The following PROSER2 variants were observed in gnomAD, a reference collection of about 807,000 sequenced individuals.
PROSER2 encodes the protein proline and serine rich 2, also known as proline and serine-rich protein 2.
PROSER2 carries 18 observed loss-of-function variants against 14.6 expected under a neutral mutation model. The observed-to-expected ratio is 1.23, with a 90% CI of 0.85 to 1.83. The LOEUF (loss-of-function observed/expected upper bound fraction) is 1.83, where lower values mean the gene tolerates loss of function less well. Ranked by LOEUF, PROSER2 falls within the 40% of genes most tolerant of loss-of-function variation. The probability of loss-of-function intolerance (pLI) is 0.00; values close to 1 mark genes in which losing one functional copy is unlikely to be tolerated. For missense variants in PROSER2, 823 were observed against 629.8 expected (o/e 1.31, Z -3.28); for synonymous variants, 367 against 286.4 (o/e 1.28, Z -2.84).
chr10:11,855,343 G>A (rs1458426781), intron 2 of PROSER2, among the ~76,000 whole-genome samples: 4 of 151,582 alleles, frequency 2.6e-5, no homozygotes, highest in East Asian at 1.9e-4. Context: ...GCGTGTTGGC[G>A]GGCGCCTGTA....
intron 1 of PROSER2, among the ~76,000 whole-genome samples, chr10:11,826,184 C>A (rs1020156062): frequency 6.6e-6 from 1 of 152,114 alleles, no homozygotes; most frequent in Non-Finnish European, 1.5e-5. Context: ...AAGGTCCGTC[C>A]GTGTCGCGGC....
chr10:11,861,631 C>A (rs796414965), intron 2 of PROSER2, among the ~76,000 whole-genome samples: 2 of 152,156 alleles, frequency 1.3e-5, no homozygotes, highest in Non-Finnish European at 2.9e-5. Flanking sequence ...GAGCAAGAAG[C>A]GACAAACCAT....
chr10:11,854,099 G>T (rs1834079086), intron 2 of PROSER2, among the ~76,000 whole-genome samples: 2 of 152,166 alleles, frequency 1.3e-5, no homozygotes, highest in Admixed American at 1.3e-4. Context: ...TCCAGCCTTA[G>T]ACCTGTTCTC....
chr10:11,866,759 C>G lies in PROSER2; in HGVS notation c.367C>G (p.Leu123Val), dbSNP rs1834356763. Residue 123 changes from leucine to valine, a missense_variant, in exon 3 of 4, where the codon CTT becomes GTT. Transcript: ENST00000277570. The surrounding 1 kb of genome is among the most constrained non-coding windows in gnomAD (Gnocchi z 6.0). The part of the protein sequence containing the change: ...PAPGAGEAEG[L>V]PEGTQAAGPA... ...ACCTGGCGCCGGGGAAGCCGAGGGC[C>G]TTCCAGAGGGGACCCAGGCAGCAGG... 6.2e-7 allele frequency: 1 copy of G among 1,612,418 alleles called. No homozygotes were observed. The highest frequency in any genetic ancestry group is 8.5e-7 in the Non-Finnish European group (1 of 1,179,900).
rs1224546922 is a variant in PROSER2 at position 11,869,950 on chromosome 10, G to A, written c.852G>A (p.Gln284=). 1.4e-6 allele frequency: 2 copies of A among 1,464,330 alleles called. No individual in the cohort carries two copies. Among genetic ancestry groups the A allele is most frequent in the East Asian group, 2.8e-5 (1 of 35,106 alleles). 90.7% of individuals were successfully genotyped at this position (1,464,330 alleles called of 1,614,324 possible). The change falls in exon 4 of 4, where the codon CAG becomes CAA. Residue 284 remains glutamine, a synonymous_variant. Coordinates refer to ENST00000277570, the MANE Select transcript of PROSER2 (RefSeq NM_153256.4). This position sits in a 1 kb window ranked among gnomAD's most constrained non-coding sequence, Gnocchi z 4.4. Reference sequence around the variant, plus strand: ...TCAGCGTGCAGGAGCGCAGGGCGCAGGTGTTGGCCACCATCCACGGCCACG... The same window carrying A: ...TCAGCGTGCAGGAGCGCAGGGCGCAAGTGTTGGCCACCATCCACGGCCACG... The part of the protein sequence containing the change: ...AAVSVQERRA[Q]VLATIHGHAG...
At chr10:11,848,138 T>C (rs1182553711) in intron 1 of PROSER2, among the ~76,000 whole-genome samples, 2 of 151,654 alleles carry the variant, frequency 1.3e-5, no homozygotes, top group African/African-American at 4.9e-5. Flanking sequence ...CCCACTCTGG[T>C]TTGTTTTTGT....
intron 1 of PROSER2, among the ~76,000 whole-genome samples, chr10:11,827,347 A>AT: frequency 1.3e-5 from 2 of 151,878 alleles, no homozygotes; most frequent in Middle Eastern, 6.8e-3. Context: ...TGAGAACTCG[A>AT]TTCTCTTTTT....
rs372933658 is a variant in PROSER2 at position 11,865,398 on chromosome 10, C to G, written c.139-1133C>G. The stretch of plus-strand genomic sequence containing the variant: ...TGATAGCCTTTTTGAAGTTTTCCAT[C>G]ACTCCACATAGTTCATTTCCTGTAA... On this transcript the variant is annotated intron_variant, in intron 2 of 3. Coordinates refer to ENST00000277570, the MANE Select transcript of PROSER2 (RefSeq NM_153256.4). The surrounding 1 kb of genome is among the most constrained non-coding windows in gnomAD (Gnocchi z 4.2). Among the ~76,000 whole-genome samples the G allele has an allele frequency of 1.2e-4, 18 of 152,304 alleles. No individual in the cohort carries two copies. Among genetic ancestry groups the G allele is most frequent in the Non-Finnish European group, 1.5e-4 (10 of 68,030 alleles).
At position 11,830,207 on chromosome 10, in the gene PROSER2, C is replaced by T. The variant is rs1334171933; in HGVS notation, c.-82+6737C>T. ...GACCTTCCCACCTTTTGGAGTCTCC[C>T]GTGTCCATTATTTCACTCTGTGCAT... On this transcript the variant is annotated intron_variant, in intron 1 of 3. Coordinates refer to ENST00000277570, the MANE Select transcript of PROSER2 (RefSeq NM_153256.4). This position sits in a 1 kb window ranked among gnomAD's most constrained non-coding sequence, Gnocchi z 4.5. 6.6e-6 allele frequency among the ~76,000 whole-genome samples: 1 copy of T among 152,116 alleles called. No individual in the cohort carries two copies. The highest frequency in any genetic ancestry group is 1.9e-4 in the East Asian group (1 of 5,198).
At chr10:11,828,463 A>G (rs1243117421) in intron 1 of PROSER2, among the ~76,000 whole-genome samples, 1 of 152,150 alleles carries the variant, frequency 6.6e-6, no homozygotes, top group African/African-American at 2.4e-5. Flanking sequence ...GCACTATGGG[A>G]GGCCAAGGCA....
At chr10:11,840,991 T>TATATATA (rs1833838942) in intron 1 of PROSER2, among the ~76,000 whole-genome samples, 22 of 112,874 alleles carry the variant, frequency 1.9e-4, no homozygotes, top group South Asian at 3.1e-4. Context: ...TATATATATA[T>TATATATA]GATGGTGGGG....
chr10:11,833,793 G>A (rs1272377584), intron 1 of PROSER2, among the ~76,000 whole-genome samples: 1 of 152,030 alleles, frequency 6.6e-6, no homozygotes, highest in Non-Finnish European at 1.5e-5. Flanking sequence ...TATCCAAGTG[G>A]GAAAAATGGC....
intron 3 of PROSER2, among the ~76,000 whole-genome samples, chr10:11,867,345 G>A (rs995583298): frequency 4.6e-5 from 7 of 151,042 alleles, no homozygotes; most frequent in Non-Finnish European, 1.0e-4. Flanking sequence ...ATGCATACAT[G>A]CACAGAAAGA....
chr10:11,827,552 G>C (rs1339965568), intron 1 of PROSER2, among the ~76,000 whole-genome samples: 2 of 151,966 alleles, frequency 1.3e-5, no homozygotes, highest in Non-Finnish European at 2.9e-5. Context: ...TTAATCTTCT[G>C]CCTGTTGTAG....
At chr10:11,850,653 G>A (rs769620737) in intron 1 of PROSER2, 5 of 152,214 alleles carry the variant, frequency 3.3e-5, no homozygotes, top group Non-Finnish European at 7.3e-5. Flanking sequence ...GCCATTTGAT[G>A]TGTACCGATT....
intron 1 of PROSER2, among the ~76,000 whole-genome samples, chr10:11,840,518 A>G (rs1833822013): frequency 1.3e-5 from 2 of 152,128 alleles, no homozygotes; most frequent in Non-Finnish European, 2.9e-5. Context: ...GACCCAGTTT[A>G]CTAATAATTT....
chr10:11,839,221 A>G (rs1468811876), intron 1 of PROSER2, among the ~76,000 whole-genome samples: 2 of 152,228 alleles, frequency 1.3e-5, no homozygotes, highest in African/African-American at 4.8e-5. Context: ...TTACACTGAC[A>G]TAAATCCAAG....
Position 11,870,116 on chromosome 10 carries a change from G to A in PROSER2, c.1018G>A (p.Ala340Thr). The A allele has an allele frequency of 7.4e-7, 1 of 1,356,916 alleles. No individual in the cohort carries two copies. The highest frequency in any genetic ancestry group is 9.4e-7 in the Non-Finnish European group (1 of 1,059,108). The allele number at this position is 1,356,916 out of a possible 1,614,324, so 84.1% of individuals were successfully genotyped here. The change falls in exon 4 of 4, where the codon GCG becomes ACG. Residue 340 changes from alanine (A) to threonine (T), a missense_variant. By Grantham distance (58) the Ala-to-Thr change is moderately conservative. Transcript: ENST00000277570. ...RAGGQAPRGP[A>T]LANGFPSAHE... is the part of the protein sequence containing the mutation. ...AGGGGGTCAGGCTCCGCGGGGCCCGGCGCTGGCCAACGGCTTCCCAAGTGC... is the reference window on the plus strand; with the variant it reads ...AGGGGGTCAGGCTCCGCGGGGCCCGACGCTGGCCAACGGCTTCCCAAGTGC...
At chr10:11,829,721 T>A (rs530465949) in intron 1 of PROSER2, among the ~76,000 whole-genome samples, 1 of 152,154 alleles carries the variant, frequency 6.6e-6, no homozygotes, top group African/African-American at 2.4e-5. Flanking sequence ...AACCAATGAA[T>A]TTGTTGCATG....
Sources: allele counts gnomAD v4.1 joint callset (sites outside exome capture counted in the v4.1 genomes callset), GRCh38; gene constraint gnomAD v4.1.1; non-coding constraint Gnocchi (gnomAD v3.1); transcripts MANE v1.5; gene names NCBI Gene and HGNC (gene_info 2026-07-23, HGNC 2026-07-21).